MED15: variants seen among roughly 807,000 people sequenced by gnomAD.
MED15 encodes mediator of RNA polymerase II transcription subunit 15.
Under a neutral mutation model 118.7 loss-of-function variants are expected in MED15, and 41 were observed. That is an observed-to-expected ratio of 0.35 (90% confidence interval 0.27 to 0.45). The LOEUF is 0.45. Ranked by LOEUF, MED15 falls within the 20% of genes least tolerant of loss-of-function variation. The pLI, the probability that MED15 is intolerant of heterozygous loss-of-function variation, is 1.00. For missense variants in MED15, 740 were observed against 1,025.5 expected, an observed-to-expected ratio of 0.72 and a Z score of 3.80; for synonymous variants, 436 against 413.9, an observed-to-expected ratio of 1.05 and a Z score of -0.65.
chr22:20,509,209 G>C (rs1229387312), intron 1 of MED15, among the ~76,000 whole-genome samples: 1 of 152,134 alleles, frequency 6.6e-6, no homozygotes, highest in Non-Finnish European at 1.5e-5. Context: ...TAGCACTTTA[G>C]TGGGGGTGTT....
chr22:20,570,712 T>G (rs2056617591), intron 8 of MED15, among the ~76,000 whole-genome samples: 1 of 150,228 alleles, frequency 6.7e-6, no homozygotes, highest in Admixed American at 6.7e-5. Context: ...TTCTCTTCTC[T>G]TTTTTCTCTT....
At chr22:20,509,830 C>CA (rs1407434619) in intron 1 of MED15, among the ~76,000 whole-genome samples, 1 of 151,944 alleles carries the variant, frequency 6.6e-6, no homozygotes, top group African/African-American at 2.4e-5. Flanking sequence ...GAAAAGTCCC[C>CA]AGGGCAAGGG....
chr22:20,585,952 C>A, intron 17 of MED15, 126 bp downstream of exon 17: 1 of 854,258 alleles, frequency 1.2e-6, no homozygotes. Context: ...CAGGCCCCTC[C>A]CTCCCCTCTT....
chr22:20,527,956 CAAA>C (rs763536363), intron 1 of MED15, among the ~76,000 whole-genome samples: 15 of 94,546 alleles, frequency 1.6e-4, no homozygotes, highest in East Asian at 3.0e-4. Flanking sequence ...GACTCCGTCT[CAAA>C]AAAAAAAAAA....
chr22:20,557,661 C>G (rs2056071643), intron 5 of MED15, among the ~76,000 whole-genome samples: 1 of 152,138 alleles, frequency 6.6e-6, no homozygotes, highest in Non-Finnish European at 1.5e-5. Flanking sequence ...CTTGTCATCC[C>G]ACTTCAGAGA....
intron 9 of MED15, among the ~76,000 whole-genome samples, chr22:20,576,586 G>T (rs1338160420): frequency 6.6e-6 from 1 of 152,282 alleles, no homozygotes; most frequent in African/African-American, 2.4e-5. Flanking sequence ...AGTTTCTTTG[G>T]CAGGGACTTC....
intron 2 of MED15, 37 bp downstream of exon 2, chr22:20,537,241 G>T (rs907420563): frequency 1.9e-6 from 3 of 1,578,552 alleles, no homozygotes; most frequent in South Asian, 1.1e-5. Flanking sequence ...CTGGCAGAGA[G>T]ACTTGGAGAG....
At chr22:20,554,625 G>A (rs1601566390) in intron 4 of MED15, 2 of 240,748 alleles carry the variant, frequency 8.3e-6, no homozygotes, top group Non-Finnish European at 1.6e-5. Context: ...GGCAGGGGTT[G>A]CCACCTGCCC....
chr22:20,535,015 T>C (rs2055010981), intron 1 of MED15, among the ~76,000 whole-genome samples: 2 of 152,170 alleles, frequency 1.3e-5, no homozygotes, highest in African/African-American at 4.8e-5. Flanking sequence ...TGGAGTGCAG[T>C]AGTGCCATCT....
chr22:20,585,988 C>T (rs1037240500), intron 17 of MED15, among the ~76,000 whole-genome samples, 162 bp downstream of exon 17: 2 of 152,184 alleles, frequency 1.3e-5, no homozygotes, highest in Non-Finnish European at 2.9e-5. Context: ...CAGACAGCAG[C>T]GGGTTTTCCA....
intron 14 of MED15, 176 bp from the exon 15 acceptor site, chr22:20,584,679 C>T: frequency 1.1e-6 from 1 of 920,780 alleles, no homozygotes; most frequent in African/African-American, 1.6e-5. Context: ...GGAGGATAGG[C>T]TGTGGGGGTG....
intron 2 of MED15, among the ~76,000 whole-genome samples, chr22:20,543,187 A>G (rs1394467332): frequency 2.1e-5 from 2 of 94,900 alleles, no homozygotes; most frequent in Non-Finnish European, 4.3e-5. Context: ...CCCTTAATTT[A>G]TCTCTTTCAT....
At chr22:20,547,855 T>A (rs935992739) in intron 2 of MED15, among the ~76,000 whole-genome samples, 1 of 151,802 alleles carries the variant, frequency 6.6e-6, no homozygotes, top group African/African-American at 2.4e-5. Flanking sequence ...ATAAATTAGC[T>A]GGACATGGTA....
At position 20,532,987 on chromosome 22, in the gene MED15, G is replaced by A. The variant is rs916437195; in HGVS notation, c.69-4130G>A. Among the ~76,000 whole-genome samples the A allele has an allele frequency of 3.9e-5, 6 of 152,116 alleles. No homozygotes were observed. The East Asian group carries it at 9.6e-4, about 24-fold the overall frequency. On this transcript the variant is annotated intron_variant, in intron 1 of 17. Coordinates refer to ENST00000263205, the MANE Select transcript of MED15 (RefSeq NM_001003891.3). ...TTGTGTGATAGTTTCCTTTCATTTC[G>A]TGACAGTGGCTCGAAGGGTTTTGTT...
chr22:20,575,218 C>G lies in MED15; in HGVS notation c.1258C>G (p.Gln420Glu), dbSNP rs559672322. ...IPSSSIPLGRQPMAQVSQSSL... is the reference protein window; with the variant it reads ...IPSSSIPLGREPMAQVSQSSL... ...GTCAAGCTCCATCCCTTTGGGCAGA[C>G]AGCCCATGGCACAGGTATTTACGGG... is the stretch of plus-strand genomic sequence containing the variant. Residue 420 changes from glutamine to glutamate, a missense_variant, in exon 9 of 18, where the codon CAG becomes GAG. By Grantham distance (29) the Gln-to-Glu change is conservative. Coordinates refer to ENST00000263205, the MANE Select transcript of MED15 (RefSeq NM_001003891.3). 1.2e-6 allele frequency: 2 copies of G among 1,613,894 alleles called. No individual in the cohort carries two copies. The highest frequency in any genetic ancestry group is 1.1e-5 in the South Asian group (1 of 91,090).
chr22:20,534,402 G>A (rs545266533), intron 1 of MED15, among the ~76,000 whole-genome samples: 31 of 152,248 alleles, frequency 2.0e-4, no homozygotes, highest in Non-Finnish European at 4.0e-4. Context: ...GCGCATGCCT[G>A]TAGTCCCAGC....
chr22:20,568,427 A>G, intron 7 of MED15, 94 bp from the exon 8 acceptor site: 1 of 1,527,646 alleles, frequency 6.5e-7, no homozygotes. Flanking sequence ...CCTCACCTCA[A>G]GAAAGGCTCC....
At chr22:20,542,530 T>G (rs1384317227) in intron 2 of MED15, among the ~76,000 whole-genome samples, 1 of 152,230 alleles carries the variant, frequency 6.6e-6, no homozygotes, top group African/African-American at 2.4e-5. Context: ...GATAGTGTAT[T>G]AGTTTCCCAT....
rs1214453549 is a variant in MED15 at position 20,585,175 on chromosome 22, G to T, written c.2039G>T (p.Gly680Val). The T allele has an allele frequency of 6.2e-7, 1 of 1,613,686 alleles. No homozygotes were observed. Among genetic ancestry groups the T allele is most frequent in the African/African-American group, 1.3e-5 (1 of 74,924 alleles). ...ERQSIPSVLQ[G>V]EVARLDPKFL... ...CAGAGCATCCCCAGTGTGCTCCAGG[G>T]TGAGGTGGCCAGGCTGGACCCCAAG... Residue 680 changes from glycine (G) to valine (V), a missense_variant, in exon 16 of 18, where the codon GGT becomes GTT. Transcript: ENST00000263205.
Sources: gnomAD v4.1 joint callset for allele counts (sites outside exome capture counted in the v4.1 genomes callset) on GRCh38, gnomAD v4.1.1 for gene constraint, MANE v1.5 for transcripts, NCBI Gene and HGNC (gene_info 2026-07-23, HGNC 2026-07-21) for gene names.